The following MGMT variants were observed in gnomAD, a reference collection of about 807,000 sequenced individuals.
MGMT encodes O-6-methylguanine-DNA methyltransferase, also known as methylated-DNA--protein-cysteine methyltransferase.
In MGMT, 14 loss-of-function variants were observed where a neutral mutation model predicts 15.9. That is an observed-to-expected ratio of 0.88 (90% confidence interval 0.58 to 1.37). MGMT has a LOEUF of 1.37. MGMT is among the 40% of genes most tolerant of loss of function. The pLI is 0.00. For missense variants in MGMT, 282 were observed against 268.1 expected, an observed-to-expected ratio of 1.05 and a Z score of -0.36; for synonymous variants, 130 against 118.2, an observed-to-expected ratio of 1.10 and a Z score of -0.65.
chr10:129,593,610 T>C (rs1846715654), intron 2 of MGMT, among the ~76,000 whole-genome samples: 1 of 152,228 alleles, frequency 6.6e-6, no homozygotes, highest in Non-Finnish European at 1.5e-5. Context: ...ATAACAGAAA[T>C]TTCAGTCTCA....
intron 2 of MGMT, among the ~76,000 whole-genome samples, chr10:129,558,172 T>TA (rs879786903): frequency 2.6e-5 from 4 of 152,200 alleles, no homozygotes; most frequent in Admixed American, 2.6e-4. Context: ...GGAGTCTTTT[T>TA]AAAATTGAGA....
intron 2 of MGMT, among the ~76,000 whole-genome samples, chr10:129,560,417 C>A (rs149403473): frequency 4.6e-5 from 7 of 152,278 alleles, no homozygotes; most frequent in African/African-American, 1.7e-4. Flanking sequence ...CATTTCCAAG[C>A]GAATGAATGG....
chr10:129,625,809 T>C (rs1035915765), intron 2 of MGMT, among the ~76,000 whole-genome samples: 5 of 152,230 alleles, frequency 3.3e-5, no homozygotes, highest in African/African-American at 1.2e-4. Context: ...CTTCCAGTAC[T>C]GATCAGGGTT....
chr10:129,523,747 TAGAG>T (rs1218579323), intron 1 of MGMT, among the ~76,000 whole-genome samples: 4 of 152,094 alleles, frequency 2.6e-5, no homozygotes, highest in East Asian at 1.9e-4. Context: ...GCCAGCTCCA[TAGAG>T]AGAGCAGAGG....
At position 129,766,906 on chromosome 10, in the gene MGMT, A is replaced by G. The variant is rs2308327; in HGVS notation, c.533A>G (p.Lys178Arg). The part of the protein sequence containing the change: ...LLAHEGHRLG[K>R]PGLGGSSGLA... ...GCCCATGAAGGCCACCGGTTGGGGA[A>G]GCCAGGCTTGGGAGGGAGCTCAGGT... Residue 178 changes from lysine (K) to arginine (R), a missense_variant, in exon 5 of 5, where the codon AAG becomes AGG. Coordinates refer to ENST00000651593, the MANE Select transcript of MGMT (RefSeq NM_002412.5). 0.12 allele frequency: 188,239 copies of G among 1,613,358 alleles called. 12,337 individuals are homozygous for G. Among genetic ancestry groups the G allele is most frequent in the Non-Finnish European group, 0.13 (157,982 of 1,179,922 alleles).
At chr10:129,723,018 A>G (rs530299809) in intron 3 of MGMT, among the ~76,000 whole-genome samples, 1 of 151,590 alleles carries the variant, frequency 6.6e-6, no homozygotes, top group East Asian at 1.9e-4. Flanking sequence ...AAAAAAAAAA[A>G]AAAAAAAAAA....
At chr10:129,631,682 G>T (rs1847211279) in intron 2 of MGMT, among the ~76,000 whole-genome samples, 1 of 152,046 alleles carries the variant, frequency 6.6e-6, no homozygotes, top group Admixed American at 6.6e-5. Flanking sequence ...AAATTAGCTG[G>T]GTGAGATGGT....
intron 2 of MGMT, among the ~76,000 whole-genome samples, chr10:129,562,956 C>T (rs1360050103): frequency 2.0e-5 from 3 of 152,148 alleles, no homozygotes; most frequent in Admixed American, 6.5e-5. Flanking sequence ...GCAGTAGAAA[C>T]TGTACCACAA....
intron 2 of MGMT, among the ~76,000 whole-genome samples, chr10:129,572,901 G>T (rs1846436637): frequency 1.3e-5 from 2 of 152,206 alleles, no homozygotes; most frequent in South Asian, 4.1e-4. Context: ...GTCTCCCGAG[G>T]TTTTGTTTGG....
intron 2 of MGMT, among the ~76,000 whole-genome samples, chr10:129,590,806 T>C (rs1846675001): frequency 6.6e-6 from 1 of 152,188 alleles, no homozygotes; most frequent in Non-Finnish European, 1.5e-5. Context: ...CAATCTTGAT[T>C]TTATTACCGA....
At chr10:129,721,761 A>T (rs1848374045) in intron 3 of MGMT, among the ~76,000 whole-genome samples, 2 of 152,130 alleles carry the variant, frequency 1.3e-5, no homozygotes, top group African/African-American at 4.8e-5. Flanking sequence ...AATAACCAGA[A>T]TCTATAGCTC....
intron 2 of MGMT, among the ~76,000 whole-genome samples, chr10:129,614,185 T>C (rs1192448162): frequency 6.6e-6 from 1 of 152,216 alleles, no homozygotes; most frequent in African/African-American, 2.4e-5. Context: ...CCATTGTCTT[T>C]TGTGACTGGC....
intron 2 of MGMT, among the ~76,000 whole-genome samples, chr10:129,563,307 A>G (rs1011888602): frequency 2.0e-5 from 3 of 151,924 alleles, no homozygotes; most frequent in African/African-American, 7.3e-5. Flanking sequence ...TAGCGTGCTC[A>G]CTGTGTGTGG....
At chr10:129,488,642 C>T (rs1406231769) in intron 1 of MGMT, among the ~76,000 whole-genome samples, 2 of 152,288 alleles carry the variant, frequency 1.3e-5, no homozygotes, top group Admixed American at 1.3e-4. Flanking sequence ...AAAGTGCTTC[C>T]TTATCCCCAG....
intron 2 of MGMT, among the ~76,000 whole-genome samples, chr10:129,591,244 G>A (rs1243710805): frequency 6.6e-6 from 1 of 152,226 alleles, no homozygotes; most frequent in Non-Finnish European, 1.5e-5. Context: ...CCAAAAGCAA[G>A]TATGCTGCCT....
chr10:129,770,707 G>C lies in MGMT; in HGVS notation c.*3710G>C, dbSNP rs765790256. The stretch of plus-strand genomic sequence containing the variant: ...AATTGGCTTCATGTATGAGCAAGGG[G>C]GAAAGTGTTTTATTTTACTAGGAAG... On this transcript the variant is annotated 3_prime_UTR_variant, in exon 5 of 5. Coordinates refer to ENST00000651593, the MANE Select transcript of MGMT (RefSeq NM_002412.5). Among the ~76,000 whole-genome samples, 1 of 152,228 alleles carries C rather than the reference G, an allele frequency of 6.6e-6. No homozygotes were observed. Among genetic ancestry groups the C allele is most frequent in the African/African-American group, 2.4e-5 (1 of 41,446 alleles).
At chr10:129,574,817 A>C (rs534965821) in intron 2 of MGMT, among the ~76,000 whole-genome samples, 1 of 152,308 alleles carries the variant, frequency 6.6e-6, no homozygotes, top group African/African-American at 2.4e-5. Context: ...GAAATTATTA[A>C]AAATATTGCT....
At chr10:129,713,091 C>T (rs756743804) in intron 3 of MGMT, among the ~76,000 whole-genome samples, 11 of 152,214 alleles carry the variant, frequency 7.2e-5, no homozygotes, top group East Asian at 1.9e-4. Context: ...CACTTTGTAC[C>T]GATATTTTCC....
chr10:129,502,353 A>C (rs1248348448), intron 1 of MGMT, among the ~76,000 whole-genome samples: 1 of 152,162 alleles, frequency 6.6e-6, no homozygotes, highest in Non-Finnish European at 1.5e-5. Flanking sequence ...CATGTAAAGC[A>C]CCTGGCCCGG....
Sources: allele counts gnomAD v4.1 joint callset (sites outside exome capture counted in the v4.1 genomes callset), GRCh38; gene constraint gnomAD v4.1.1; transcripts MANE v1.5; gene names NCBI Gene and HGNC (gene_info 2026-07-23, HGNC 2026-07-21).